TNRC6B: variants seen among roughly 807,000 people sequenced by gnomAD.
TNRC6B encodes the protein trinucleotide repeat-containing gene 6B protein.
A neutral mutation model predicts 203.6 loss-of-function variants in TNRC6B; 52 were observed. That is an observed-to-expected ratio of 0.26 (90% CI 0.20 to 0.32). The LOEUF (loss-of-function observed/expected upper bound fraction) is 0.32. Ranked by LOEUF, TNRC6B falls within the 10% of genes least tolerant of loss-of-function variation. TNRC6B has a pLI of 1.00. For missense variants in TNRC6B, 1,923 were observed against 2,286.2 expected, an observed-to-expected ratio of 0.84 and a Z score of 3.24; for synonymous variants, 838 against 845.7, an observed-to-expected ratio of 0.99 and a Z score of 0.16.
intron 1 of TNRC6B, among the ~76,000 whole-genome samples, chr22:40,233,588 C>A (rs1287498697): frequency 6.6e-6 from 1 of 151,876 alleles, no homozygotes; most frequent in Non-Finnish European, 1.5e-5. Flanking sequence ...CACCACTGCA[C>A]TCCAGCCTGG....
chr22:40,309,021 G>C (rs1259567368), intron 16 of TNRC6B, among the ~76,000 whole-genome samples: 1 of 152,160 alleles, frequency 6.6e-6, no homozygotes, highest in African/African-American at 2.4e-5. Context: ...AAATTTATCG[G>C]CTTTAAAAAA....
intron 3 of TNRC6B, among the ~76,000 whole-genome samples, chr22:40,149,450 C>T (rs865804047): frequency 6.6e-6 from 1 of 151,974 alleles, no homozygotes; most frequent in East Asian, 1.9e-4. Flanking sequence ...GGGCAAATCA[C>T]GAGGTCAGGA....
intron 12 of TNRC6B, among the ~76,000 whole-genome samples, chr22:40,297,594 C>T (rs1016910873): frequency 6.6e-5 from 10 of 152,142 alleles, no homozygotes; most frequent in African/African-American, 2.4e-4. Flanking sequence ...GAGGCCAAGG[C>T]GGGTGGATCA....
At chr22:40,166,938 C>T (rs546666571) in intron 4 of TNRC6B, among the ~76,000 whole-genome samples, 1 of 151,762 alleles carries the variant, frequency 6.6e-6, no homozygotes, top group Non-Finnish European at 1.5e-5. Context: ...TTGGGAAAAC[C>T]TCTATTGAAT....
chr22:40,048,134 G>A (rs1049095020), intron 1 of TNRC6B, among the ~76,000 whole-genome samples: 8 of 152,216 alleles, frequency 5.3e-5, no homozygotes, highest in African/African-American at 1.9e-4. Flanking sequence ...CCAGAGTTCT[G>A]AAAGAGCAGT....
rs1367568751 is a variant in TNRC6B at position 40,331,266 on chromosome 22, G to A, written c.*8025G>A. The A allele has an allele frequency of 6.5e-6, 1 of 154,986 alleles. No individual in the cohort carries two copies. The highest frequency in any genetic ancestry group is 1.4e-5 in the Non-Finnish European group (1 of 69,650). 9.6% of individuals were successfully genotyped at this position (154,986 alleles called of 1,614,324 possible). ...ACACACAAGGAAAAGGGGTTTTGAA[G>A]AGTTAAGATTGAAGTGTTTGAGAAA... On this transcript the variant is annotated 3_prime_UTR_variant, in exon 23 of 23. Coordinates refer to ENST00000454349, the MANE Select transcript of TNRC6B (RefSeq NM_001162501.2).
chr22:40,165,972 T>TTGC (rs2068916163), intron 4 of TNRC6B, among the ~76,000 whole-genome samples: 3 of 152,072 alleles, frequency 2.0e-5, no homozygotes, highest in Non-Finnish European at 4.4e-5. Context: ...TTTTTTGTTG[T>TTGC]TGTTTTGTTT....
chr22:40,224,899 G>C (rs560115044), intron 1 of TNRC6B, among the ~76,000 whole-genome samples: 2 of 152,346 alleles, frequency 1.3e-5, no homozygotes, highest in Admixed American at 1.3e-4. Flanking sequence ...TGCTGATGCA[G>C]AGTAGGTGCT....
rs1378873402 is a variant in TNRC6B, at chr22:40,246,113, T to C, written c.93+11T>C. 6.5e-7 allele frequency: 1 copy of C among 1,533,652 alleles called. No individual in the cohort carries two copies. The highest frequency in any genetic ancestry group is 8.8e-7 in the Non-Finnish European group (1 of 1,139,924). On this transcript the variant is annotated intron_variant, in intron 2 of 22. Transcript: ENST00000454349. ...GAAGCCACTCAGAAGGTAGGTTTAA[T>C]CAGTTAAGTCTGTCTTTTTATCTGC...
At position 40,274,897 on chromosome 22, in the gene TNRC6B, C is replaced by G. The variant is rs531281959; in HGVS notation, c.3141+1297C>G. Among the ~76,000 whole-genome samples the G allele has an allele frequency of 3.9e-4, 60 of 152,202 alleles. No individual in the cohort carries two copies. In the South Asian group the frequency reaches 0.012, roughly 30 times the overall value. On this transcript the variant is annotated intron_variant, in intron 7 of 22. Coordinates refer to ENST00000454349, the MANE Select transcript of TNRC6B (RefSeq NM_001162501.2). ...CTCTCTTTTTTCAATTCCAGATTTT[C>G]GTTTGACAAATAAAATAGTGGAAAT... is the stretch of plus-strand genomic sequence containing the variant.
At chr22:40,192,045 A>T (rs1400407661) in intron 1 of TNRC6B, among the ~76,000 whole-genome samples, 1 of 152,020 alleles carries the variant, frequency 6.6e-6, no homozygotes, top group African/African-American at 2.4e-5. Context: ...TATTTTTTAG[A>T]GATAGGATCT....
At position 40,184,730 on chromosome 22, in the gene TNRC6B, T is replaced by C. The variant is rs114040039; in HGVS notation, c.5+6590T>C. 4.6e-3 allele frequency among the ~76,000 whole-genome samples: 698 copies of C among 152,264 alleles called. 6 individuals carry two copies. The highest frequency in any genetic ancestry group is 0.015 in the African/African-American group (639 of 41,550). On this transcript the variant is annotated intron_variant, in intron 1 of 22. Coordinates refer to ENST00000454349, the MANE Select transcript of TNRC6B (RefSeq NM_001162501.2). ...GTTCCAGAGGCATTTAGGAAGATTT[T>C]GGAGGAGTTGGTCATTGGGTATGAG...
intron 3 of TNRC6B, among the ~76,000 whole-genome samples, chr22:40,137,537 C>T (rs2068610195): frequency 6.6e-6 from 1 of 152,096 alleles, no homozygotes; most frequent in African/African-American, 2.4e-5. Context: ...GTATTCAGAG[C>T]CACACATTTC....
chr22:40,200,240 T>A (rs1555888963), intron 1 of TNRC6B, among the ~76,000 whole-genome samples: 1 of 151,510 alleles, frequency 6.6e-6, no homozygotes, highest in Non-Finnish European at 1.5e-5. Flanking sequence ...AAGTTTGAGA[T>A]TGTTTCAAAA....
At chr22:40,255,659 G>A (rs1387766204) in intron 3 of TNRC6B, among the ~76,000 whole-genome samples, 1 of 152,202 alleles carries the variant, frequency 6.6e-6, no homozygotes, top group East Asian at 1.9e-4. Context: ...GAGGTAATGA[G>A]GACTTGAACC....
At chr22:40,204,705 G>A (rs1332225289) in intron 1 of TNRC6B, among the ~76,000 whole-genome samples, 3 of 152,152 alleles carry the variant, frequency 2.0e-5, no homozygotes, top group Non-Finnish European at 2.9e-5. Flanking sequence ...ATTGACTCTG[G>A]TAGTGACAGA....
intron 12 of TNRC6B, among the ~76,000 whole-genome samples, chr22:40,295,867 T>G (rs1431030433): frequency 6.6e-6 from 1 of 152,098 alleles, no homozygotes; most frequent in East Asian, 1.9e-4. Context: ...TTTTGTTGCT[T>G]TTGTTTTTTA....
At chr22:40,193,934 T>C (rs915513177) in intron 1 of TNRC6B, among the ~76,000 whole-genome samples, 5 of 151,958 alleles carry the variant, frequency 3.3e-5, no homozygotes, top group Non-Finnish European at 7.4e-5. Context: ...ATGCGTTATA[T>C]GTAATTGCAG....
In TNRC6B at chr22:40,146,039, G is replaced by A. The variant is rs982582505; in HGVS notation, c.46-10076G>A. 3.3e-5 allele frequency among the ~76,000 whole-genome samples: 5 copies of A among 152,260 alleles called. 1 individual carries two copies. In the South Asian group the frequency reaches 8.3e-4, roughly 25 times the overall value. On this transcript the variant is annotated intron_variant, in intron 3 of 23. Coordinates refer to the TNRC6B transcript ENST00000301923. Reference sequence around the variant, plus strand: ...CTGTGAGATTAGATGAAATGGCTGTGGCAGAATGAGAAGAAAGAGGTCCAA... The same window carrying A: ...CTGTGAGATTAGATGAAATGGCTGTAGCAGAATGAGAAGAAAGAGGTCCAA...
Sources: allele counts gnomAD v4.1 joint callset (sites outside exome capture counted in the v4.1 genomes callset), GRCh38; gene constraint gnomAD v4.1.1; transcripts MANE v1.5; gene names NCBI Gene and HGNC (gene_info 2026-07-23, HGNC 2026-07-21).